The following MINK1 variants were observed in gnomAD, a reference collection of about 807,000 sequenced individuals.
The protein encoded by MINK1 is misshapen like kinase 1, also known as misshapen-like kinase 1.
Under a neutral mutation model 178.4 loss-of-function variants are expected in MINK1, and 46 were observed. The ratio of observed to expected loss-of-function variants is 0.26; its 90% CI spans 0.20 to 0.33. MINK1 has a LOEUF of 0.33. Among genes scored for constraint, MINK1 ranks in the 10% least tolerant of loss-of-function variants. The probability of loss-of-function intolerance (pLI) is 1.00; values close to 1 mark genes in which losing one functional copy is unlikely to be tolerated. For synonymous variants in MINK1, 797 were observed against 709.7 expected (o/e 1.12, Z -1.96); for missense variants, 1,366 against 1,814.9 (o/e 0.75, Z 4.49).
intron 1 of MINK1, among the ~76,000 whole-genome samples, chr17:4,865,157 G>A (rs1484398357): frequency 6.6e-6 from 1 of 152,092 alleles, no homozygotes; most frequent in East Asian, 1.9e-4. Flanking sequence ...TGGGCCGGGC[G>A]CGGTGGCTCA....
At chr17:4,873,192 C>T (rs933983548) in intron 1 of MINK1, among the ~76,000 whole-genome samples, 5 of 152,230 alleles carry the variant, frequency 3.3e-5, no homozygotes, top group Non-Finnish European at 7.3e-5. Flanking sequence ...CACATTCTCC[C>T]TAGATATCTT....
chr17:4,886,105 C>G lies in MINK1; in HGVS notation c.695-15C>G. 5.0e-6 allele frequency: 8 copies of G among 1,613,562 alleles called. No individual in the cohort carries two copies. Among genetic ancestry groups the G allele is most frequent in the Non-Finnish European group, 6.8e-6 (8 of 1,179,544 alleles). On this transcript the variant is annotated splice_polypyrimidine_tract_variant and intron_variant, in intron 8 of 31. Transcript: ENST00000355280. The surrounding 1 kb of genome is among the most constrained non-coding windows in gnomAD (Gnocchi z 6.1). Reference sequence around the variant, plus strand: ...GTGCAGTGAAAGGGACTGAGGGTGTCTCCTCTGTGTCCAGCTCTGTGTGAC... The same window carrying G: ...GTGCAGTGAAAGGGACTGAGGGTGTGTCCTCTGTGTCCAGCTCTGTGTGAC...
At position 4,896,598 on chromosome 17, in the gene MINK1, C is replaced by G; in HGVS notation, c.3775+10C>G. 1.2e-6 allele frequency: 2 copies of G among 1,613,500 alleles called. No homozygotes were observed. The highest frequency in any genetic ancestry group is 1.7e-6 in the Non-Finnish European group (2 of 1,179,638). ...ATGCCTACTTCTGTGGGTGAGTGAG[C>G]TGCCGCCCTCCCAGCCACATGCCCC... is the stretch of plus-strand genomic sequence containing the variant. On this transcript the variant is annotated intron_variant, in intron 30 of 31. Transcript: ENST00000355280. The surrounding 1 kb of genome is among the most constrained non-coding windows in gnomAD (Gnocchi z 4.6).
chr17:4,845,008 A>G (rs1910804557), intron 1 of MINK1, among the ~76,000 whole-genome samples: 1 of 151,792 alleles, frequency 6.6e-6, no homozygotes, highest in South Asian at 2.1e-4. Flanking sequence ...TTAAACACTG[A>G]CTCTCTGAAC....
intron 1 of MINK1, among the ~76,000 whole-genome samples, chr17:4,839,092 C>T (rs186078415): frequency 3.9e-4 from 60 of 152,198 alleles, no homozygotes; most frequent in African/African-American, 1.1e-3. Flanking sequence ...TATAGGCGCC[C>T]GCCACAATGC....
At chr17:4,871,556 C>T (rs1186070144) in intron 1 of MINK1, among the ~76,000 whole-genome samples, 1 of 151,990 alleles carries the variant, frequency 6.6e-6, no homozygotes, top group Non-Finnish European at 1.5e-5. Flanking sequence ...TATAGATATA[C>T]CACATTTATC....
At position 4,891,491 on chromosome 17, in the gene MINK1, T is replaced by C; in HGVS notation, c.1776T>C (p.Tyr592=). 1 of 1,604,904 alleles carries C rather than the reference T, an allele frequency of 6.2e-7. No homozygotes were observed. Among genetic ancestry groups the C allele is most frequent in the South Asian group, 1.1e-5 (1 of 90,344 alleles). The part of the protein sequence containing the change: ...LVAHRVPLKP[Y]AAPVPRSQSL... ...CACACCGGGTCCCACTGAAGCCATA[T>C]GCAGCACCTGTACCCCGATCCCAGT... The change falls in exon 16 of 32, where the codon TAT becomes TAC. Residue 592 remains tyrosine, a synonymous_variant. Transcript: ENST00000355280.
chr17:4,885,094 A>C lies in MINK1; in HGVS notation c.508+92A>C. On this transcript the variant is annotated intron_variant, in intron 6 of 31. Coordinates refer to ENST00000355280, the MANE Select transcript of MINK1 (RefSeq NM_153827.5). This position sits in a 1 kb window ranked among gnomAD's most constrained non-coding sequence, Gnocchi z 5.0. Reference sequence around the variant, plus strand: ...TTTTCTCTCTGGTGGCTCAGGCCCAACTCCCTTCCTACTGGGGAGGCTCAC... The same window carrying C: ...TTTTCTCTCTGGTGGCTCAGGCCCACCTCCCTTCCTACTGGGGAGGCTCAC... 1 of 1,188,794 alleles carries C rather than the reference A, an allele frequency of 8.4e-7. No homozygotes were observed. Among genetic ancestry groups the C allele is most frequent in the African/African-American group, 1.5e-5 (1 of 65,836 alleles). The allele number at this position is 1,188,794 out of a possible 1,614,324, so 73.6% of individuals were successfully genotyped here.
At chr17:4,856,420 T>G (rs1324516210) in intron 1 of MINK1, among the ~76,000 whole-genome samples, 1 of 151,888 alleles carries the variant, frequency 6.6e-6, no homozygotes, top group African/African-American at 2.4e-5. Context: ...TTTCTCTCTC[T>G]TACGTACTCA....
At position 4,895,650 on chromosome 17, in the gene MINK1, G is replaced by A. The variant is rs1969372169; in HGVS notation, c.3230-48G>A. On this transcript the variant is annotated intron_variant, in intron 26 of 31. Coordinates refer to ENST00000355280, the MANE Select transcript of MINK1 (RefSeq NM_153827.5). This position sits in a 1 kb window ranked among gnomAD's most constrained non-coding sequence, Gnocchi z 4.3. ...AGGAGGCCAGGGCGGTGGCATTCGG[G>A]CCTCAGATGAGAATGGGGGCGGGTG... The A allele has an allele frequency of 6.2e-7, 1 of 1,600,572 alleles. No homozygotes were observed. Among genetic ancestry groups the A allele is most frequent in the Non-Finnish European group, 8.5e-7 (1 of 1,171,478 alleles).
intron 21 of MINK1, 169 bp from the exon 22 acceptor site, chr17:4,893,804 CCAGCCTGCCCTGTGT>C: frequency 1.1e-6 from 1 of 888,304 alleles, no homozygotes; most frequent in Non-Finnish European, 1.7e-6. Context: ...TGCCCCTGTG[CCAGCCTGCCCTGTGT>C]GCCATGCAGG....
intron 1 of MINK1, among the ~76,000 whole-genome samples, chr17:4,844,126 G>A (rs187546187): frequency 7.2e-5 from 11 of 152,020 alleles, no homozygotes; most frequent in Non-Finnish European, 1.6e-4. Flanking sequence ...TCAGCCTCCC[G>A]AGTAGCTGGG....
rs372570269 is a variant in MINK1, at chr17:4,847,100, A to G, written c.57+13460A>G. 8.4e-5 allele frequency: 38 copies of G among 453,334 alleles called. 1 individual carries two copies. The highest frequency in any genetic ancestry group is 3.4e-4 in the South Asian group (22 of 64,092). The allele number at this position is 453,334 out of a possible 1,614,324, so 28.1% of individuals were successfully genotyped here. ...CCTCCTCAGGTGGCCCAAATTGCCT[A>G]TCTCTAAAGAGCTGTCAGTGGGAGG... On this transcript the variant is annotated intron_variant, in intron 1 of 31. Coordinates refer to ENST00000355280, the MANE Select transcript of MINK1 (RefSeq NM_153827.5).
chr17:4,892,058 TG>T (rs963127681), intron 16 of MINK1, 90 bp from the exon 17 acceptor site: 3 of 1,050,364 alleles, frequency 2.9e-6, no homozygotes, highest in African/African-American at 1.6e-5. Flanking sequence ...TCCATCAAAG[TG>T]GGGGAGCTCA....
At position 4,893,030 on chromosome 17, in the gene MINK1, A is replaced by C; in HGVS notation, c.2363A>C (p.Lys788Thr). The change falls in exon 20 of 32, where the codon AAG becomes ACG. Residue 788 changes from lysine (K) to threonine (T), a missense_variant. Physicochemically the swap from Lys to Thr is moderately conservative, Grantham distance 78. This residue lies in a region of MINK1 where 709 missense variants were observed against 692.3 expected (regional missense o/e 1.02). Coordinates refer to ENST00000355280, the MANE Select transcript of MINK1 (RefSeq NM_153827.5). ...GTGCTCTCCCCTGGGAATAAAGCCA[A>C]GCCCGACGACCACCGCTCACGGCCA... ...SPVLSPGNKA[K>T]PDDHRSRPGR... The C allele has an allele frequency of 6.3e-7, 1 of 1,578,014 alleles. No individual in the cohort carries two copies. The highest frequency in any genetic ancestry group is 2.4e-5 in the East Asian group (1 of 42,104).
intron 1 of MINK1, among the ~76,000 whole-genome samples, chr17:4,834,058 T>TG (rs1222472863): frequency 6.6e-6 from 1 of 152,146 alleles, no homozygotes; most frequent in African/African-American, 2.4e-5. Flanking sequence ...CCTCAGCTCC[T>TG]GGAATTTTGA....
intron 1 of MINK1, chr17:4,875,388 T>C (rs1967090249): frequency 2.3e-6 from 1 of 434,682 alleles, no homozygotes; most frequent in Non-Finnish European, 4.6e-6. Flanking sequence ...GGTGGGAGGA[T>C]TGCTTGAGCC....
In MINK1 at chr17:4,890,552, G is replaced by C; in HGVS notation, c.1383G>C (p.Gln461His). ...YKRKQLEEQR[Q>H]SERLQRQLQQ... ...GGAAGCAGCTGGAGGAGCAGCGGCA[G>C]TCAGAACGTCTCCAGAGGCAGCTGC... The change falls in exon 14 of 32, where the codon CAG becomes CAC. Residue 461 changes from glutamine to histidine, a missense_variant. Coordinates refer to ENST00000355280, the MANE Select transcript of MINK1 (RefSeq NM_153827.5). 1 of 1,589,484 alleles carries C rather than the reference G, an allele frequency of 6.3e-7. No individual in the cohort carries two copies. Among genetic ancestry groups the C allele is most frequent in the Non-Finnish European group, 8.6e-7 (1 of 1,168,658 alleles).
In MINK1 at chr17:4,836,977, C is replaced by T. The variant is rs1402156201; in HGVS notation, c.57+3337C>T. Among the ~76,000 whole-genome samples the T allele has an allele frequency of 6.6e-6, 1 of 151,836 alleles. No individual in the cohort carries two copies. The highest frequency in any genetic ancestry group is 6.6e-5 in the Admixed American group (1 of 15,228). On this transcript the variant is annotated intron_variant, in intron 1 of 31. Transcript: ENST00000355280. This position sits in a 1 kb window ranked among gnomAD's most constrained non-coding sequence, Gnocchi z 4.3. ...TGGATCACCTGAGAGGTCAGAAGTT[C>T]GAGACCAGCCTGGCCAACATGGTAA...
Sources: gnomAD v4.1 joint callset for allele counts (sites outside exome capture counted in the v4.1 genomes callset) on GRCh38, gnomAD v4.1.1 for gene constraint, gnomAD v4.1.1 regional missense constraint, Gnocchi (gnomAD v3.1) non-coding constraint, MANE v1.5 for transcripts, NCBI Gene and HGNC (gene_info 2026-07-23, HGNC 2026-07-21) for gene names.